Variants in TTLL11 observed in about 807,000 individuals in gnomAD.
The protein encoded by TTLL11 is tubulin polyglutamylase TTLL11.
TTLL11 carries 42 observed loss-of-function variants against 51.7 expected under a neutral mutation model. The observed-to-expected ratio is 0.81, with a 90% CI of 0.64 to 1.05. TTLL11 has a LOEUF of 1.05. Ranked by LOEUF, TTLL11 falls within the 50% of genes least tolerant of loss-of-function variation. The pLI, the probability that TTLL11 is intolerant of heterozygous loss-of-function variation, is 0.00. For synonymous variants in TTLL11, 381 were observed against 383.5 expected (o/e 0.99, Z 0.08); for missense variants, 799 against 940.4 (o/e 0.85, Z 1.97).
chr9:121,856,928 C>G (rs1213075984), intron 8 of TTLL11, among the ~76,000 whole-genome samples: 1 of 152,230 alleles, frequency 6.6e-6, no homozygotes, highest in Non-Finnish European at 1.5e-5. Flanking sequence ...CCTTTTGCTA[C>G]TCAGTAGCTT....
chr9:122,087,427 G>A (rs559395090), intron 1 of TTLL11, among the ~76,000 whole-genome samples: 115 of 152,208 alleles, frequency 7.6e-4, no homozygotes, highest in African/African-American at 2.6e-3. Context: ...GTTGTAAGTA[G>A]GACAATATAG....
At chr9:122,082,280 G>C (rs1846019211) in intron 1 of TTLL11, among the ~76,000 whole-genome samples, 1 of 152,130 alleles carries the variant, frequency 6.6e-6, no homozygotes, top group Admixed American at 6.5e-5. Context: ...AAGGGAGGCA[G>C]ATCACTTGAG....
intron 7 of TTLL11, among the ~76,000 whole-genome samples, chr9:121,866,915 C>CTAA (rs1328336579): frequency 6.6e-6 from 1 of 152,130 alleles, no homozygotes; most frequent in Non-Finnish European, 1.5e-5. Context: ...GCTGCAGGAC[C>CTAA]TAATAGTCCC....
At chr9:121,991,249 C>A (rs1046322416) in intron 3 of TTLL11, among the ~76,000 whole-genome samples, 5 of 152,196 alleles carry the variant, frequency 3.3e-5, no homozygotes, top group African/African-American at 1.2e-4. Flanking sequence ...AAAGCTTTTG[C>A]CAATTCCTTG....
chr9:121,881,872 A>G (rs1330855298), intron 6 of TTLL11, among the ~76,000 whole-genome samples: 18 of 152,178 alleles, frequency 1.2e-4, no homozygotes, highest in Non-Finnish European at 2.6e-4. Flanking sequence ...CAGAGACCTT[A>G]AGATGGAGAT....
Position 122,092,993 on chromosome 9 carries a change from C to T in TTLL11, c.156G>A (p.Glu52=). Reference sequence around the variant, plus strand: ...TGGGCTGCTCCTCCCCTGCCTTGCACTCCGGTTCCCCGGCCGCGCCCGCGT... The same window carrying T: ...TGGGCTGCTCCTCCCCTGCCTTGCATTCCGGTTCCCCGGCCGCGCCCGCGT... ...RVDAGAAGEP[E]CKAGEEQPKV... The change falls in exon 1 of 9, where the codon GAG becomes GAA. Residue 52 remains glutamate, a synonymous_variant. Transcript: ENST00000321582. 6.4e-7 allele frequency: 1 copy of T among 1,553,368 alleles called. No homozygotes were observed. Among genetic ancestry groups the T allele is most frequent in the South Asian group, 1.2e-5 (1 of 84,854 alleles).
chr9:121,827,286 A>G (rs1421811515), intron 8 of TTLL11, among the ~76,000 whole-genome samples: 1 of 152,076 alleles, frequency 6.6e-6, no homozygotes, highest in Non-Finnish European at 1.5e-5. Context: ...GGCCTGCCAC[A>G]CAGCCCCTCA....
chr9:122,090,174 T>C (rs1174457782), intron 1 of TTLL11, among the ~76,000 whole-genome samples: 1 of 146,452 alleles, frequency 6.8e-6, no homozygotes, highest in Non-Finnish European at 1.5e-5. Flanking sequence ...ATTACCATTA[T>C]GCGGCTACCG....
intron 2 of TTLL11, among the ~76,000 whole-genome samples, chr9:122,036,757 T>C (rs1844715293): frequency 1.3e-5 from 2 of 152,074 alleles, no homozygotes; most frequent in Admixed American, 6.5e-5. Flanking sequence ...TAATGAGATA[T>C]ATGAGAGACA....
chr9:121,899,375 A>G (rs1357520123), intron 6 of TTLL11, among the ~76,000 whole-genome samples: 26 of 87,160 alleles, frequency 3.0e-4, no homozygotes, highest in African/African-American at 1.1e-3. Flanking sequence ...GTATATATAT[A>G]TACATATATA....
chr9:121,887,315 G>A (rs1262340091), intron 6 of TTLL11, among the ~76,000 whole-genome samples: 1 of 152,132 alleles, frequency 6.6e-6, no homozygotes, highest in African/African-American at 2.4e-5. Flanking sequence ...GCAGGGAGGC[G>A]GTGAGAGTGG....
intron 1 of TTLL11, among the ~76,000 whole-genome samples, chr9:122,039,845 G>C (rs1844793992): frequency 6.6e-6 from 1 of 151,444 alleles, no homozygotes; most frequent in Non-Finnish European, 1.5e-5. Flanking sequence ...TAAGCTTTCA[G>C]AGTCCCTCTT....
chr9:121,864,299 C>T (rs1204852973), intron 7 of TTLL11, among the ~76,000 whole-genome samples: 1 of 152,148 alleles, frequency 6.6e-6, no homozygotes, highest in Non-Finnish European at 1.5e-5. Flanking sequence ...AAATGTGGCT[C>T]TTAATCATTG....
In TTLL11 at chr9:122,071,387, C is replaced by A. The variant is rs569710536; in HGVS notation, c.462+21300G>T. On this transcript the variant is annotated intron_variant, in intron 1 of 8. Coordinates refer to ENST00000321582, the MANE Select transcript of TTLL11 (RefSeq NM_001139442.2). Reference sequence around the variant, plus strand: ...CTCCCCGCTGCTTTGGTGAAGAAAGCTTTCAGCTGCCCCCTGGGTCGCTGT... The same window carrying A: ...CTCCCCGCTGCTTTGGTGAAGAAAGATTTCAGCTGCCCCCTGGGTCGCTGT... 3.3e-5 allele frequency among the ~76,000 whole-genome samples: 5 copies of A among 152,332 alleles called. No individual in the cohort carries two copies. In the South Asian group the frequency reaches 1.0e-3, roughly 32 times the overall value.
At chr9:122,009,227 C>T (rs1476500993) in intron 3 of TTLL11, among the ~76,000 whole-genome samples, 4 of 152,056 alleles carry the variant, frequency 2.6e-5, no homozygotes, top group African/African-American at 9.7e-5. Flanking sequence ...AGGTAATCTG[C>T]ATGTTAATTA....
chr9:122,061,942 T>A (rs777079753), intron 1 of TTLL11, among the ~76,000 whole-genome samples: 8 of 152,158 alleles, frequency 5.3e-5, no homozygotes, highest in African/African-American at 1.9e-4. Flanking sequence ...AGCCGAATTA[T>A]CTTTTTCAAG....
At chr9:121,983,840 T>A (rs1842877812) in intron 4 of TTLL11, among the ~76,000 whole-genome samples, 1 of 152,146 alleles carries the variant, frequency 6.6e-6, no homozygotes, top group Non-Finnish European at 1.5e-5. Flanking sequence ...CCTTGTCTTA[T>A]CCATAACCAC....
At chr9:121,963,578 C>T (rs905810341) in intron 6 of TTLL11, 1 of 152,190 alleles carries the variant, frequency 6.6e-6, no homozygotes, top group Non-Finnish European at 1.5e-5. Flanking sequence ...CCATCTACTC[C>T]ACCCACGGCA....
chr9:121,899,017 C>T (rs902081255), intron 6 of TTLL11, among the ~76,000 whole-genome samples: 3 of 152,130 alleles, frequency 2.0e-5, no homozygotes, highest in Non-Finnish European at 4.4e-5. Flanking sequence ...GCTCCATCAG[C>T]CCCTGTGCTC....
Sources: allele counts gnomAD v4.1 joint callset (sites outside exome capture counted in the v4.1 genomes callset), GRCh38; gene constraint gnomAD v4.1.1; transcripts MANE v1.5; gene names NCBI Gene and HGNC (gene_info 2026-07-23, HGNC 2026-07-21).